NFU1: variants seen among roughly 807,000 people sequenced by gnomAD.
The protein encoded by NFU1 is NFU1 iron-sulfur cluster scaffold homolog, mitochondrial.
NFU1 carries 30 observed loss-of-function variants against 32.2 expected under a neutral mutation model. The observed-to-expected ratio is 0.93, with a 90% confidence interval of 0.70 to 1.26. NFU1 has a LOEUF of 1.26. Ranked by LOEUF, NFU1 falls within the 50% of genes most tolerant of loss-of-function variation. NFU1 has a pLI of 0.00. For synonymous variants in NFU1, 112 were observed against 104.6 expected (o/e 1.07, Z -0.43); for missense variants, 306 against 306.6 (o/e 1.00, Z 0.02).
chr2:69,437,771 T>G, upstream of NFU1: 1 of 436,308 alleles, frequency 2.3e-6, no homozygotes, highest in Non-Finnish European at 4.3e-6. Flanking sequence ...CCTGACCCAT[T>G]CCCTCCTCTA....
At chr2:69,415,340 G>A (rs369352430) in intron 4 of NFU1, 41 bp from the exon 5 acceptor site, 72 of 1,181,950 alleles carry the variant, frequency 6.1e-5, no homozygotes, top group Admixed American at 1.6e-4. Context: ...TCCAGGCAAC[G>A]GCAAAGACCC....
At chr2:69,426,711 C>G (rs994672777) in intron 2 of NFU1, among the ~76,000 whole-genome samples, 24 of 152,092 alleles carry the variant, frequency 1.6e-4, no homozygotes, top group Admixed American at 2.0e-4. Flanking sequence ...GCTTGCAGGA[C>G]GAAAGGACGG....
chr2:69,431,985 T>C lies in NFU1; in HGVS notation c.83A>G (p.Asn28Ser). ...AGGCTGTTTCTTAATGGTGTATGGA[T>C]TCTTCAACATATGACAGAACCTGCA... The part of the protein sequence containing the change: ...LRRRFCHMLK[N>S]PYTIKKQPLH... The change falls in exon 2 of 8, where the codon AAT becomes AGT. Residue 28 changes from asparagine to serine, a missense_variant. Transcript: ENST00000410022. 1 of 1,611,652 alleles carries C rather than the reference T, an allele frequency of 6.2e-7. No individual in the cohort carries two copies. The highest frequency in any genetic ancestry group is 8.5e-7 in the Non-Finnish European group (1 of 1,177,806).
At chr2:69,423,247 T>TGTGA (rs1673319643) in intron 3 of NFU1, among the ~76,000 whole-genome samples, 1 of 14,588 alleles carries the variant, frequency 6.9e-5, no homozygotes, top group Non-Finnish European at 1.2e-4. Flanking sequence ...TGTGTGAGTG[T>TGTGA]GTGTGTGTGT....
intron 2 of NFU1, among the ~76,000 whole-genome samples, chr2:69,425,316 A>G (rs1673416345): frequency 6.6e-6 from 1 of 151,346 alleles, no homozygotes; most frequent in African/African-American, 2.4e-5. Context: ...GTAAGCCATC[A>G]TGTCCAGCTC....
chr2:69,401,979 C>T (rs550104648), intron 6 of NFU1, among the ~76,000 whole-genome samples: 92 of 151,992 alleles, frequency 6.1e-4, no homozygotes, highest in African/African-American at 2.1e-3. Flanking sequence ...CTGCAACTTC[C>T]GCCTCCCGGG....
chr2:69,397,045 A>ATAGAGCACTCCG (rs1672363307), intron 7 of NFU1, among the ~76,000 whole-genome samples: 1 of 150,800 alleles, frequency 6.6e-6, no homozygotes, highest in Non-Finnish European at 1.5e-5. Flanking sequence ...AGAGCACTCC[A>ATAGAGCACTCCG]GCTTGGTGAT....
chr2:69,421,484 T>A (rs958990103), intron 3 of NFU1, among the ~76,000 whole-genome samples: 3 of 150,774 alleles, frequency 2.0e-5, no homozygotes, highest in Non-Finnish European at 4.4e-5. Flanking sequence ...GCTGACTGAC[T>A]CTACTGACTA....
At chr2:69,421,139 G>C (rs1673225165) in intron 3 of NFU1, among the ~76,000 whole-genome samples, 1 of 152,054 alleles carries the variant, frequency 6.6e-6, no homozygotes, top group African/African-American at 2.4e-5. Flanking sequence ...AGGAGGTGGA[G>C]GTTGCAGTGA....
chr2:69,416,073 T>G, intron 4 of NFU1: 1 of 144,452 alleles, frequency 6.9e-6, no homozygotes, highest in South Asian at 2.2e-4. Flanking sequence ...GAGAGGAAGG[T>G]AAAAGGGAAA....
At position 69,433,772 on chromosome 2, in the gene NFU1, C is replaced by T. The variant is rs146220823; in HGVS notation, c.63-1767G>A. On this transcript the variant is annotated intron_variant, in intron 1 of 7. Coordinates refer to ENST00000410022, the MANE Select transcript of NFU1 (RefSeq NM_001002755.4). ...ATTACACAGCCAACGATCTTGATCA[C>T]GCTTTTCGTGTTTTGTTTTGAGACA... is the stretch of plus-strand genomic sequence containing the variant. 5.8e-3 allele frequency among the ~76,000 whole-genome samples: 885 copies of T among 152,048 alleles called. 10 individuals are homozygous for T. Among genetic ancestry groups the T allele is most frequent in the African/African-American group, 0.019 (791 of 41,480 alleles).
chr2:69,435,089 C>G (rs916622319), intron 1 of NFU1, among the ~76,000 whole-genome samples: 3 of 152,176 alleles, frequency 2.0e-5, no homozygotes, highest in African/African-American at 7.2e-5. Flanking sequence ...GGCTGGTAAT[C>G]ATTTACATCT....
intron 2 of NFU1, among the ~76,000 whole-genome samples, chr2:69,428,433 A>T (rs1673537759): frequency 6.6e-6 from 1 of 152,190 alleles, no homozygotes; most frequent in Non-Finnish European, 1.5e-5. Flanking sequence ...TCTCAAAAAA[A>T]AAAAAATTAT....
At chr2:69,421,562 C>CTTT (rs763705011) in intron 3 of NFU1, among the ~76,000 whole-genome samples, 1,143 of 70,780 alleles carry the variant, frequency 0.016, 11 homozygotes, top group Non-Finnish European at 0.017. Context: ...ATCATTTGTG[C>CTTT]TTTTTTTTTT....
intron 3 of NFU1, among the ~76,000 whole-genome samples, chr2:69,420,029 G>A (rs759960519): frequency 5.9e-5 from 9 of 151,428 alleles, no homozygotes; most frequent in South Asian, 2.1e-4. Context: ...CTTTTGAGAC[G>A]GAGTCACCCT....
At chr2:69,400,587 T>C in intron 6 of NFU1, 49 bp from the exon 7 acceptor site, 1 of 1,559,736 alleles carries the variant, frequency 6.4e-7, no homozygotes, top group Non-Finnish European at 8.8e-7. Context: ...ATACAAGTTT[T>C]CATTGAAAAA....
At chr2:69,400,564 CA>C in intron 6 of NFU1, 26 bp from the exon 7 acceptor site, 3 of 1,596,194 alleles carry the variant, frequency 1.9e-6, no homozygotes, top group Non-Finnish European at 2.6e-6. Context: ...ATATTTATGA[CA>C]TATTCTTTAA....
chr2:69,424,928 G>A (rs1369155536), intron 2 of NFU1, among the ~76,000 whole-genome samples: 1 of 148,094 alleles, frequency 6.8e-6, no homozygotes, highest in African/African-American at 2.5e-5. Context: ...CCAGGCTGGA[G>A]TGCAGTGGCG....
chr2:69,422,206 T>C (rs1233756239), intron 3 of NFU1, among the ~76,000 whole-genome samples: 2 of 152,124 alleles, frequency 1.3e-5, no homozygotes, highest in Non-Finnish European at 2.9e-5. Context: ...ATGGATACAC[T>C]AGAAAAGGGA....
Sources: gnomAD v4.1 joint callset for allele counts (sites outside exome capture counted in the v4.1 genomes callset) on GRCh38, gnomAD v4.1.1 for gene constraint, MANE v1.5 for transcripts, NCBI Gene and HGNC (gene_info 2026-07-23, HGNC 2026-07-21) for gene names.